The following RHOT2 variants were observed in gnomAD, a reference collection of about 807,000 sequenced individuals.
RHOT2 encodes the protein mitochondrial Rho GTPase 2.
In RHOT2, 90 loss-of-function variants were observed where a neutral mutation model predicts 81.6. That is an observed-to-expected ratio of 1.10 (90% CI 0.93 to 1.31). RHOT2 has a LOEUF of 1.31. RHOT2 is among the 40% of genes most tolerant of loss of function. The probability of loss-of-function intolerance (pLI) is 0.00; values close to 1 mark genes in which losing one functional copy is unlikely to be tolerated. For synonymous variants in RHOT2, 512 were observed against 370.9 expected (o/e 1.38, Z -4.37); for missense variants, 1,014 against 841.9 (o/e 1.20, Z -2.53).
chr16:671,649 G>A (rs2038952406), intron 11 of RHOT2, 48 bp from the exon 12 acceptor site: 1 of 1,576,136 alleles, frequency 6.3e-7, no homozygotes, highest in African/African-American at 1.3e-5. Context: ...GCTGAGCGTG[G>A]TGCTGCAGAG....
At position 668,220 on chromosome 16, in the gene RHOT2, C is replaced by T. The variant is rs1225686186; in HGVS notation, c.21C>T (p.Ile7=). ...CAGCTATGAGGCGGGACGTGCGCAT[C>T]CTGTTACTGGGCGAGGGTAGGCGCC... MRRDVR[I]LLLGEAQVGK... The change falls in exon 1 of 19, where the codon ATC becomes ATT. Residue 7 remains isoleucine, a synonymous_variant. Transcript: ENST00000315082. 3.5e-6 allele frequency: 2 copies of T among 568,508 alleles called. No homozygotes were observed. The highest frequency in any genetic ancestry group is 3.9e-5 in the South Asian group (1 of 25,840). The allele number at this position is 568,508 out of a possible 1,614,324, so 35.2% of individuals were successfully genotyped here.
In RHOT2 at chr16:672,527, C is replaced by T. The variant is rs538300287; in HGVS notation, c.1365C>T (p.Ile455=). Residue 455 remains isoleucine (I), a synonymous_variant, in exon 16 of 19, where the codon ATC becomes ATT. Transcript: ENST00000315082. The stretch of plus-strand genomic sequence containing the variant: ...GGGAGCAGCCTCCCGGCTACGCCAT[C>T]GACACGGTGCAGGTCAATGGACAGG... ...DTREQPPGYA[I]DTVQVNGQEK... The T allele has an allele frequency of 1.6e-5, 26 of 1,612,628 alleles. 1 individual carries two copies. Among genetic ancestry groups the T allele is most frequent in the Middle Eastern group, 1.6e-4 (1 of 6,062 alleles).
Position 670,962 on chromosome 16 carries a change from T to TGGCGGGC in RHOT2, c.715_721dup (p.Val241GlyfsTer76). 6.4e-7 allele frequency: 1 copy of TGGCGGGC among 1,566,694 alleles called. No homozygotes were observed. On this transcript the variant is annotated frameshift_variant, in exon 10 of 19. Coordinates refer to ENST00000315082, the MANE Select transcript of RHOT2 (RefSeq NM_138769.3). LOFTEE classifies it high-confidence loss of function. ...GTGAAGACGGTGGTGTGCAGGAACGTGGCGGGCGGCGTGCGGGAGGACCGG... is the reference window on the plus strand; with the variant it reads ...GTGAAGACGGTGGTGTGCAGGAACGTGGCGGGCGGCGGGCGGCGTGCGGGAGGACCGG...
chr16:671,265 T>G, intron 11 of RHOT2, 62 bp downstream of exon 11: 1 of 1,504,592 alleles, frequency 6.6e-7, no homozygotes. Flanking sequence ...CTGCCGACTA[T>G]CTCTCCCCTC....
rs1330900625 is a variant in RHOT2, at chr16:672,758, A to T, written c.1460A>T (p.Asp487Val). 6.2e-7 allele frequency: 1 copy of T among 1,612,522 alleles called. No homozygotes were observed. Among genetic ancestry groups the T allele is most frequent in the East Asian group, 2.2e-5 (1 of 44,882 alleles). ...GCCACATCGCTGGACGCCACCTGTG[A>T]CGTTGCCTGCTTGATGTTTGATGGC... ...LLATSLDATC[D>V]VACLMFDGSD... is the part of the protein sequence containing the mutation. Residue 487 changes from aspartate to valine, a missense_variant, in exon 17 of 19, where the codon GAC (aspartate) becomes GTC (valine). By Grantham distance (152) the Asp-to-Val change is radical. Coordinates refer to ENST00000315082, the MANE Select transcript of RHOT2 (RefSeq NM_138769.3).
chr16:672,620 G>C (rs1013428412), intron 16 of RHOT2, 54 bp downstream of exon 16: 26 of 1,609,726 alleles, frequency 1.6e-5, no homozygotes, highest in Non-Finnish European at 2.0e-5. Flanking sequence ...GGGACACCCA[G>C]GCCTGCCTGG....
chr16:672,942 CG>C lies in RHOT2; in HGVS notation c.1545del (p.Gln516ArgfsTer100), dbSNP rs1567261469. ...ASVYKHHYMD[G>X]QTPCLFVSSK... Reference sequence around the variant, plus strand: ...TCTGCCCACAGCACCATTACATGGACGGGCAGACCCCCTGCCTCTTTGTCTC... The same window carrying C: ...TCTGCCCACAGCACCATTACATGGACGGCAGACCCCCTGCCTCTTTGTCTC... On this transcript the variant is annotated frameshift_variant, in exon 18 of 19. Transcript: ENST00000315082. LOFTEE classifies it high-confidence loss of function. The C allele has an allele frequency of 6.2e-7, 1 of 1,612,796 alleles. No homozygotes were observed. Among genetic ancestry groups the C allele is most frequent in the South Asian group, 1.1e-5 (1 of 91,092 alleles).
chr16:672,533 G>A lies in RHOT2; in HGVS notation c.1371G>A (p.Thr457=), dbSNP rs748596865. 6.8e-6 allele frequency: 11 copies of A among 1,612,506 alleles called. No homozygotes were observed. Among genetic ancestry groups the A allele is most frequent in the East Asian group, 4.5e-5 (2 of 44,878 alleles). Residue 457 remains threonine (T), a synonymous_variant, in exon 16 of 19, where the codon ACG becomes ACA. Coordinates refer to ENST00000315082, the MANE Select transcript of RHOT2 (RefSeq NM_138769.3). ...REQPPGYAID[T]VQVNGQEKYL... ...AGCCTCCCGGCTACGCCATCGACAC[G>A]GTGCAGGTCAATGGACAGGAGAAGT...
At chr16:670,398 T>C in intron 7 of RHOT2, 41 bp downstream of exon 7, 1 of 1,610,104 alleles carries the variant, frequency 6.2e-7, no homozygotes, top group Non-Finnish European at 8.5e-7. Context: ...TCATTCCTTG[T>C]GTTCTCAGTC....
Position 672,294 on chromosome 16 carries a change from G to T in RHOT2, c.1236G>T (p.Thr412=), listed in dbSNP as rs759973125. 6.2e-7 allele frequency: 1 copy of T among 1,612,134 alleles called. No individual in the cohort carries two copies. The highest frequency in any genetic ancestry group is 8.5e-7 in the Non-Finnish European group (1 of 1,179,658). The change falls in exon 15 of 19, where the codon ACG becomes ACT. Residue 412 remains threonine (T), a synonymous_variant. Transcript: ENST00000315082. ...GGCTGGACCAGGAGAAGGGACAGACGCAGCGGAGCGTCCTCCTGTGCAAGG... is the reference window on the plus strand; with the variant it reads ...GGCTGGACCAGGAGAAGGGACAGACTCAGCGGAGCGTCCTCCTGTGCAAGG... ...EKRLDQEKGQ[T]QRSVLLCKVV... is the part of the protein sequence containing the mutation.
Position 668,581 on chromosome 16 carries a change from A to G in RHOT2, c.178+12A>G. The G allele has an allele frequency of 6.2e-7, 1 of 1,610,166 alleles. No homozygotes were observed. Among genetic ancestry groups the G allele is most frequent in the Non-Finnish European group, 8.5e-7 (1 of 1,178,942 alleles). Reference sequence around the variant, plus strand: ...CGTGGACTACTCAGGTAGCGGCCGTAGCCTCCCGGGGGCCCGGCCCGCAGC... The same window carrying G: ...CGTGGACTACTCAGGTAGCGGCCGTGGCCTCCCGGGGGCCCGGCCCGCAGC... On this transcript the variant is annotated intron_variant, in intron 3 of 18. Coordinates refer to ENST00000315082, the MANE Select transcript of RHOT2 (RefSeq NM_138769.3).
chr16:673,486 G>T lies in RHOT2; in HGVS notation c.1737G>T (p.Leu579Phe). ...QLATMAAFPH[L>F]VHAELHPSSF... ...TGATTCTTCTCTCTTGCAGACATTT[G>T]GTCCACGCAGAGCTGCATCCCTCTT... The change falls in exon 19 of 19, where the codon TTG becomes TTT. Residue 579 changes from leucine (L) to phenylalanine (F), a missense_variant. Physicochemically the swap from Leu to Phe is conservative, Grantham distance 22 (BLOSUM62 0). Coordinates refer to ENST00000315082, the MANE Select transcript of RHOT2 (RefSeq NM_138769.3). 2.5e-6 allele frequency: 4 copies of T among 1,612,654 alleles called. No homozygotes were observed. Among genetic ancestry groups the T allele is most frequent in the East Asian group, 2.2e-5 (1 of 44,886 alleles).
intron 11 of RHOT2, 134 bp from the exon 12 acceptor site, chr16:671,563 C>G (rs1298808068): frequency 5.2e-6 from 5 of 970,480 alleles, no homozygotes; most frequent in Non-Finnish European, 7.7e-6. Flanking sequence ...GCTGCAAGGT[C>G]GGGGGCGTAC....
intron 18 of RHOT2, 96 bp downstream of exon 18, chr16:673,226 T>C (rs1042880477): frequency 2.1e-6 from 3 of 1,400,934 alleles, no homozygotes; most frequent in Non-Finnish European, 3.0e-6. Context: ...GGACTAGCAG[T>C]GTCTGTCATC....
chr16:669,175 G>T, intron 4 of RHOT2: 1 of 404,184 alleles, frequency 2.5e-6, no homozygotes, highest in Non-Finnish European at 4.5e-6. Context: ...GGAGGCAGGG[G>T]CCAAGGCGGC....
chr16:671,315 G>C, intron 11 of RHOT2, 112 bp downstream of exon 11: 1 of 1,427,190 alleles, frequency 7.0e-7, no homozygotes, highest in Non-Finnish European at 9.3e-7. Flanking sequence ...CCTCCCTGAG[G>C]GTCAGTGAAG....
Position 670,307 on chromosome 16 carries a change from G to A in RHOT2, c.388G>A (p.Ala130Thr), listed in dbSNP as rs750851992. ...CCTGCGGTCGGGGAGCTCCATGGAG[G>A]CCGTGCTCCCCATCATGAGCCAGTT... ...SDLRSGSSME[A>T]VLPIMSQFPE... The change falls in exon 7 of 19, where the codon GCC (alanine) becomes ACC (threonine). Residue 130 changes from alanine (A) to threonine (T), a missense_variant. Transcript: ENST00000315082. 6.2e-7 allele frequency: 1 copy of A among 1,612,830 alleles called. No homozygotes were observed. Among genetic ancestry groups the A allele is most frequent in the South Asian group, 1.1e-5 (1 of 91,090 alleles).
rs775539215 is a variant in RHOT2 at position 671,864 on chromosome 16, G to T, written c.959G>T (p.Arg320Leu). 5 of 1,341,140 alleles carry T rather than the reference G, an allele frequency of 3.7e-6. No individual in the cohort carries two copies. Among genetic ancestry groups the T allele is most frequent in the African/African-American group, 1.7e-5 (1 of 58,774 alleles). 83.1% of individuals were successfully genotyped at this position (1,341,140 alleles called of 1,614,324 possible). A position where few individuals can be genotyped will look rare whatever the true frequency, so the allele number is the denominator to read the frequency against. ...QRVFEKHDQD[R>L]DGALSPVELQ... ...ACCACATCCCTCCTTCTGCAGGACC[G>T]CGACGGCGCCCTCTCGCCCGTGGAG... The change falls in exon 13 of 19, where the codon CGC becomes CTC. Residue 320 changes from arginine (R) to leucine (L), a missense_variant. Physicochemically the swap from Arg to Leu is moderately radical, Grantham distance 102 (BLOSUM62 -2). Coordinates refer to ENST00000315082, the MANE Select transcript of RHOT2 (RefSeq NM_138769.3).
Position 670,812 on chromosome 16 carries a change from A to G in RHOT2, c.639+39A>G, listed in dbSNP as rs775543034. The G allele has an allele frequency of 2.5e-6, 4 of 1,607,496 alleles. No homozygotes were observed. In the Admixed American group the frequency reaches 5.0e-5, roughly 20 times the overall value. On this transcript the variant is annotated intron_variant, in intron 9 of 18. Transcript: ENST00000315082. Reference sequence around the variant, plus strand: ...CCACCCTCGGTGCCCAGCCCCCTTGAACCTCCGCTGCCGTTAGTGACTGGA... The same window carrying G: ...CCACCCTCGGTGCCCAGCCCCCTTGGACCTCCGCTGCCGTTAGTGACTGGA...
Sources: allele counts gnomAD v4.1 joint callset, GRCh38; gene constraint gnomAD v4.1.1; transcripts MANE v1.5; gene names NCBI Gene and HGNC (gene_info 2026-07-23, HGNC 2026-07-21).